The following ATG5 variants were observed in gnomAD, a reference collection of about 807,000 sequenced individuals.
The protein encoded by ATG5 is autophagy related 5, also known as autophagy protein 5.
A neutral mutation model predicts 36.5 loss-of-function variants in ATG5; 14 were observed. The observed-to-expected ratio is 0.38, with a 90% CI of 0.25 to 0.60. The LOEUF (loss-of-function observed/expected upper bound fraction) is 0.60, where lower values mean the gene tolerates loss of function less well. Ranked by LOEUF, ATG5 falls within the 20% of genes least tolerant of loss-of-function variation. ATG5 has a pLI of 0.60. For missense variants in ATG5, 195 were observed against 326.7 expected (o/e 0.60, Z 3.11); for synonymous variants, 95 against 101.5 (o/e 0.94, Z 0.38).
At chr6:106,230,919 G>C (rs534882082) in intron 6 of ATG5, among the ~76,000 whole-genome samples, 2 of 152,218 alleles carry the variant, frequency 1.3e-5, no homozygotes, top group South Asian at 2.1e-4. Flanking sequence ...TTTTCATTAA[G>C]AGACAACTCG....
At chr6:106,199,873 GGAT>G (rs1475864747) in intron 7 of ATG5, among the ~76,000 whole-genome samples, 1 of 152,128 alleles carries the variant, frequency 6.6e-6, no homozygotes, top group African/African-American at 2.4e-5. Context: ...AGAGATACAT[GGAT>G]GTGTGTAAGA....
chr6:106,218,178 C>T (rs1235095373), intron 6 of ATG5, among the ~76,000 whole-genome samples: 2 of 152,110 alleles, frequency 1.3e-5, no homozygotes, highest in African/African-American at 4.8e-5. Context: ...AAGCTATAAT[C>T]ACTGTACTTA....
intron 5 of ATG5, among the ~76,000 whole-genome samples, chr6:106,276,342 T>G (rs1256252879): frequency 6.6e-6 from 1 of 151,728 alleles, no homozygotes; most frequent in East Asian, 1.9e-4. Context: ...CAGCCACCTG[T>G]AGTCCCAGCT....
At chr6:106,288,124 C>T (rs564051490) in intron 4 of ATG5, among the ~76,000 whole-genome samples, 1 of 152,028 alleles carries the variant, frequency 6.6e-6, no homozygotes, top group African/African-American at 2.4e-5. Flanking sequence ...GCACCTACCA[C>T]CATGCCCAGC....
At chr6:106,248,420 A>T (rs1036342714) in intron 5 of ATG5, among the ~76,000 whole-genome samples, 176 bp from the exon 6 acceptor site, 1 of 152,104 alleles carries the variant, frequency 6.6e-6, no homozygotes, top group Admixed American at 6.5e-5. Context: ...TATAAAATTA[A>T]TTTTTTTCTA....
At chr6:106,235,451 A>C (rs1181273106) in intron 6 of ATG5, among the ~76,000 whole-genome samples, 1 of 151,792 alleles carries the variant, frequency 6.6e-6, no homozygotes, top group Non-Finnish European at 1.5e-5. Context: ...AACCTCCCCA[A>C]CAGCACTTGG....
At chr6:106,231,422 G>T (rs1236781048) in intron 6 of ATG5, among the ~76,000 whole-genome samples, 4 of 152,192 alleles carry the variant, frequency 2.6e-5, no homozygotes, top group Non-Finnish European at 2.9e-5. Flanking sequence ...TTCCCCACAG[G>T]CCAGCAGGCA....
intron 5 of ATG5, among the ~76,000 whole-genome samples, chr6:106,274,102 C>T (rs993634672): frequency 1.3e-5 from 2 of 152,120 alleles, no homozygotes; most frequent in African/African-American, 4.8e-5. Context: ...CAACCCTCCC[C>T]GCCTTTTTGG....
At chr6:106,236,127 T>A (rs1777895034) in intron 6 of ATG5, among the ~76,000 whole-genome samples, 1 of 152,250 alleles carries the variant, frequency 6.6e-6, no homozygotes, top group Non-Finnish European at 1.5e-5. Context: ...TGGTTCTTTT[T>A]ACTCAATGTA....
At chr6:106,293,824 T>C (rs7769233) in intron 3 of ATG5, among the ~76,000 whole-genome samples, 3,750 of 152,350 alleles carry the variant, frequency 0.025, 65 homozygotes, top group African/African-American at 0.049. Context: ...ACAAATGTTG[T>C]AGATTTCAAT....
rs7755637 is a variant in ATG5, at chr6:106,316,503, T to C, written c.-58-237A>G. ...AAATTACATATGCCAGTAATATTCA[T>C]TGCATATTTAAGTACTGAACCACAG... On this transcript the variant is annotated intron_variant, in intron 1 of 7. Coordinates refer to ENST00000369076, the MANE Select transcript of ATG5 (RefSeq NM_004849.4). Among the ~76,000 whole-genome samples, 855 of 152,260 alleles carry C rather than the reference T, an allele frequency of 5.6e-3. 10 individuals are homozygous for C. The highest frequency in any genetic ancestry group is 0.02 in the African/African-American group (814 of 41,550).
chr6:106,291,880 T>C (rs554251547), intron 4 of ATG5, among the ~76,000 whole-genome samples: 1 of 152,354 alleles, frequency 6.6e-6, no homozygotes, highest in South Asian at 2.1e-4. Flanking sequence ...TTTAATAACA[T>C]GGTATTGTGC....
intron 5 of ATG5, among the ~76,000 whole-genome samples, chr6:106,274,352 A>C (rs1410336190): frequency 2.6e-5 from 4 of 152,136 alleles, no homozygotes; most frequent in African/African-American, 9.7e-5. Context: ...TAAAAAAAAC[A>C]CTGAAAGGCA....
intron 5 of ATG5, among the ~76,000 whole-genome samples, chr6:106,268,430 C>T (rs369801979): frequency 2.6e-5 from 4 of 152,144 alleles, no homozygotes; most frequent in East Asian, 1.9e-4. Flanking sequence ...ACTGTTGGTG[C>T]GAGTGTAAAT....
At chr6:106,240,842 T>C (rs1054508983) in intron 6 of ATG5, among the ~76,000 whole-genome samples, 2 of 152,134 alleles carry the variant, frequency 1.3e-5, no homozygotes, top group African/African-American at 2.4e-5. Context: ...AGATTAAACA[T>C]AATGCAGCCA....
In ATG5 at chr6:106,322,286, T is replaced by G. The variant is rs117941890; in HGVS notation, c.-59+3240A>C. ...TGACAACAATATAATGCATAATAGT[T>G]TCTTTCACACTACATACCAAGAAAA... is the stretch of plus-strand genomic sequence containing the variant. On this transcript the variant is annotated intron_variant, in intron 1 of 7. Coordinates refer to ENST00000369076, the MANE Select transcript of ATG5 (RefSeq NM_004849.4). Among the ~76,000 whole-genome samples the G allele has an allele frequency of 6.1e-4, 93 of 152,312 alleles. 1 individual carries two copies. In the East Asian group the frequency reaches 0.017, roughly 28 times the overall value.
chr6:106,302,057 C>T (rs1414861370), intron 3 of ATG5, among the ~76,000 whole-genome samples: 4 of 151,952 alleles, frequency 2.6e-5, no homozygotes, highest in Admixed American at 6.6e-5. Flanking sequence ...ATAGGAAGTA[C>T]ACACGTAGTG....
At chr6:106,260,019 G>T (rs921886939) in intron 5 of ATG5, among the ~76,000 whole-genome samples, 1 of 152,114 alleles carries the variant, frequency 6.6e-6, no homozygotes, top group African/African-American at 2.4e-5. Flanking sequence ...CAGAAAACCA[G>T]ACACTGCATG....
chr6:106,283,184 G>A (rs895027730), intron 4 of ATG5, among the ~76,000 whole-genome samples: 3 of 151,928 alleles, frequency 2.0e-5, no homozygotes, highest in South Asian at 2.1e-4. Context: ...TAATTATTAC[G>A]AGATTCAATT....
Sources: allele counts gnomAD v4.1 joint callset (sites outside exome capture counted in the v4.1 genomes callset), GRCh38; gene constraint gnomAD v4.1.1; transcripts MANE v1.5; gene names NCBI Gene and HGNC (gene_info 2026-07-23, HGNC 2026-07-21).